MAP1B: variants seen among roughly 807,000 people sequenced by gnomAD.
MAP1B encodes the protein microtubule associated protein 1B.
A neutral mutation model predicts 176.1 loss-of-function variants in MAP1B; 12 were observed. That is an observed-to-expected ratio of 0.07 (90% CI 0.04 to 0.11). The LOEUF is 0.11. Among genes scored for constraint, MAP1B ranks in the 10% least tolerant of loss-of-function variants. The probability of loss-of-function intolerance (pLI) is 1.00; values close to 1 mark genes in which losing one functional copy is unlikely to be tolerated. For synonymous variants in MAP1B, 1,044 were observed against 1,135.0 expected, an observed-to-expected ratio of 0.92 and a Z score of 1.61; for missense variants, 2,523 against 2,990.5, an observed-to-expected ratio of 0.84 and a Z score of 3.65.
chr5:72,155,706 A>G (rs913877441), intron 2 of MAP1B, among the ~76,000 whole-genome samples: 1 of 151,502 alleles, frequency 6.6e-6, no homozygotes, highest in African/African-American at 2.4e-5. Context: ...AGTCTTGAGT[A>G]GCCTTTCTGT....
At chr5:72,147,352 C>G (rs547065566) in intron 2 of MAP1B, among the ~76,000 whole-genome samples, 2 of 152,004 alleles carry the variant, frequency 1.3e-5, no homozygotes, top group Non-Finnish European at 2.9e-5. Context: ...ATCAGAAAGG[C>G]CCATCTTTGT....
At chr5:72,173,204 TCAGCCCTTTATG>T (rs2112196924) in intron 2 of MAP1B, among the ~76,000 whole-genome samples, 1 of 152,332 alleles carries the variant, frequency 6.6e-6, no homozygotes, top group East Asian at 1.9e-4. Context: ...TTTTTCTTAT[TCAGCCCTTTATG>T]CAATATTGAT....
At chr5:72,205,063 T>A (rs2111903032) in intron 6 of MAP1B, 21 bp from the exon 7 acceptor site, 1 of 1,581,672 alleles carries the variant, frequency 6.3e-7, no homozygotes, top group East Asian at 2.3e-5. Context: ...AAATAGCTAT[T>A]TTTTTTTTCT....
At chr5:72,189,936 G>C (rs1746990595) in intron 4 of MAP1B, among the ~76,000 whole-genome samples, 1 of 152,138 alleles carries the variant, frequency 6.6e-6, no homozygotes, top group African/African-American at 2.4e-5. Context: ...GTGACCTAGA[G>C]TGAGAAACAT....
intron 2 of MAP1B, among the ~76,000 whole-genome samples, chr5:72,158,990 A>G (rs1746280145): frequency 6.6e-6 from 1 of 152,194 alleles, no homozygotes; most frequent in Admixed American, 6.5e-5. Context: ...ACCTCACTTA[A>G]TCCTCACAAC....
intron 2 of MAP1B, among the ~76,000 whole-genome samples, chr5:72,159,061 G>A (rs868864439): frequency 6.6e-5 from 10 of 152,256 alleles, no homozygotes; most frequent in Middle Eastern, 6.8e-3. Flanking sequence ...GAGGGTCAGA[G>A]AGATTAAATA....
chr5:72,111,773 A>T (rs187987940), intron 1 of MAP1B, among the ~76,000 whole-genome samples: 21 of 152,298 alleles, frequency 1.4e-4, no homozygotes, highest in Non-Finnish European at 3.1e-4. Flanking sequence ...GCTTACTTTA[A>T]AAAAATAAGT....
chr5:72,140,411 C>G (rs1267718891), intron 2 of MAP1B, among the ~76,000 whole-genome samples: 2 of 152,172 alleles, frequency 1.3e-5, no homozygotes, highest in Admixed American at 6.5e-5. Flanking sequence ...TTATTCTATA[C>G]TATTAAGAAA....
chr5:72,124,564 C>A (rs1745588904), intron 2 of MAP1B, among the ~76,000 whole-genome samples: 1 of 152,206 alleles, frequency 6.6e-6, no homozygotes, highest in African/African-American at 2.4e-5. Flanking sequence ...TTGAAACACT[C>A]AAGCTGAGGT....
intron 2 of MAP1B, chr5:72,116,458 G>A (rs1165510867): frequency 2.4e-6 from 1 of 420,126 alleles, no homozygotes; most frequent in Admixed American, 3.2e-5. Context: ...TTAAAGGTAA[G>A]GATGCAAAAA....
At chr5:72,165,372 A>C (rs1746408420) in intron 2 of MAP1B, among the ~76,000 whole-genome samples, 1 of 152,242 alleles carries the variant, frequency 6.6e-6, no homozygotes, top group Non-Finnish European at 1.5e-5. Flanking sequence ...GAATGAATAG[A>C]TACTTAAGTC....
At chr5:72,183,887 G>C in intron 3 of MAP1B, 62 bp downstream of exon 3, 1 of 1,419,288 alleles carries the variant, frequency 7.0e-7, no homozygotes, top group Non-Finnish European at 9.9e-7. Flanking sequence ...GGACCCAGTG[G>C]ATTAGAAGGG....
chr5:72,161,888 C>T (rs569072374), intron 2 of MAP1B, among the ~76,000 whole-genome samples: 105 of 136,640 alleles, frequency 7.7e-4, no homozygotes, highest in Non-Finnish European at 1.1e-3. Flanking sequence ...ACCCGGGAGG[C>T]GGAGGTTGCA....
chr5:72,201,100 T>G (rs1194060610), intron 5 of MAP1B, among the ~76,000 whole-genome samples: 1 of 152,116 alleles, frequency 6.6e-6, no homozygotes, highest in Admixed American at 6.5e-5. Flanking sequence ...CATGGCCTCA[T>G]GCCTGTAATT....
intron 2 of MAP1B, among the ~76,000 whole-genome samples, chr5:72,117,268 G>A (rs6892088): frequency 0.72 from 109,366 of 152,016 alleles, 39,366 homozygotes; most frequent in Middle Eastern, 0.76. Context: ...CGATATCTCC[G>A]TATCTTTTAA....
At chr5:72,155,771 T>C (rs1048292870) in intron 2 of MAP1B, among the ~76,000 whole-genome samples, 10 of 142,754 alleles carry the variant, frequency 7.0e-5, no homozygotes, top group South Asian at 2.1e-4. Flanking sequence ...CTTTTCTTTT[T>C]TTTTTTTTTT....
At chr5:72,127,437 TA>T (rs1745650172) in intron 2 of MAP1B, among the ~76,000 whole-genome samples, 1 of 152,174 alleles carries the variant, frequency 6.6e-6, no homozygotes, top group Non-Finnish European at 1.5e-5. Context: ...ACCTTTAAGG[TA>T]AAAACTTCAA....
chr5:72,198,482 G>A lies in MAP1B; in HGVS notation c.5127G>A (p.Pro1709=), dbSNP rs367827530. ...ATAAGATACCACCTATGGAGGAGCCGTCCTACACCCAAGATAATGATCTTT... is the reference window on the plus strand; with the variant it reads ...ATAAGATACCACCTATGGAGGAGCCATCCTACACCCAAGATAATGATCTTT... ...LSHKIPPMEE[P]SYTQDNDLSE... is the part of the protein sequence containing the mutation. The change falls in exon 5 of 7, where the codon CCG becomes CCA. Residue 1709 remains proline (P), a synonymous_variant. Coordinates refer to ENST00000296755, the MANE Select transcript of MAP1B (RefSeq NM_005909.5). 126 of 1,613,728 alleles carry A rather than the reference G, an allele frequency of 7.8e-5. No individual in the cohort carries two copies. The highest frequency in any genetic ancestry group is 9.7e-5 in the Non-Finnish European group (115 of 1,180,030).
intron 1 of MAP1B, among the ~76,000 whole-genome samples, chr5:72,113,746 G>A (rs887936489): frequency 1.3e-5 from 2 of 152,190 alleles, no homozygotes; most frequent in African/African-American, 4.8e-5. Flanking sequence ...GGAACAAGGA[G>A]AATTCAGTCA....
Sources: gnomAD v4.1 joint callset for allele counts (sites outside exome capture counted in the v4.1 genomes callset) on GRCh38, gnomAD v4.1.1 for gene constraint, MANE v1.5 for transcripts, NCBI Gene and HGNC (gene_info 2026-07-23, HGNC 2026-07-21) for gene names.